CSMD1: variants seen among roughly 807,000 people sequenced by gnomAD.
CSMD1 encodes CUB and sushi domain-containing protein 1.
A neutral mutation model predicts 417.5 loss-of-function variants in CSMD1; 213 were observed. That is an observed-to-expected ratio of 0.51 (90% CI 0.46 to 0.57). The LOEUF (loss-of-function observed/expected upper bound fraction) is 0.57. Among genes scored for constraint, CSMD1 ranks in the 20% least tolerant of loss-of-function variants. The probability of loss-of-function intolerance (pLI) is 0.00; values close to 1 mark genes in which losing one functional copy is unlikely to be tolerated. For missense variants in CSMD1, 6,923 were observed against 4,529.7 expected, an observed-to-expected ratio of 1.53 and a Z score of -15.17; for synonymous variants, 2,862 against 1,736.8, an observed-to-expected ratio of 1.65 and a Z score of -16.11.
intron 4 of CSMD1, among the ~76,000 whole-genome samples, chr8:4,011,162 A>G (rs978193069): frequency 1.2e-4 from 18 of 152,178 alleles, no homozygotes; most frequent in African/African-American, 4.1e-4. Flanking sequence ...TACTTATAAA[A>G]TATCTTTCCT....
At chr8:4,589,161 G>C (rs184726879) in intron 2 of CSMD1, among the ~76,000 whole-genome samples, 131 of 152,150 alleles carry the variant, frequency 8.6e-4, no homozygotes, top group Non-Finnish European at 1.3e-3. Flanking sequence ...AATGAGAAAA[G>C]AAAGAAAAGT....
chr8:4,430,586 A>C (rs1331786245), intron 2 of CSMD1, among the ~76,000 whole-genome samples: 2 of 152,136 alleles, frequency 1.3e-5, no homozygotes, highest in African/African-American at 4.8e-5. Flanking sequence ...ATTTTCCCCA[A>C]ATTGCATTCT....
At chr8:3,090,403 C>T (rs376762275) in intron 48 of CSMD1, among the ~76,000 whole-genome samples, 5 of 150,030 alleles carry the variant, frequency 3.3e-5, no homozygotes, top group African/African-American at 7.4e-5. Context: ...ATCATTGCAT[C>T]GATGTCTTTG....
chr8:4,669,564 C>A (rs1585422849), intron 1 of CSMD1, among the ~76,000 whole-genome samples: 2 of 152,132 alleles, frequency 1.3e-5, no homozygotes, highest in South Asian at 4.1e-4. Context: ...TTTTTTTACC[C>A]ATCTCCAGAG....
At chr8:4,307,942 G>A (rs140203830) in intron 3 of CSMD1, among the ~76,000 whole-genome samples, 4 of 152,110 alleles carry the variant, frequency 2.6e-5, no homozygotes, top group Non-Finnish European at 4.4e-5. Flanking sequence ...AAGGGTCTTC[G>A]GTGTAACAGA....
intron 40 of CSMD1, among the ~76,000 whole-genome samples, chr8:3,148,442 C>G (rs930256625): frequency 1.3e-5 from 2 of 152,038 alleles, no homozygotes; most frequent in Non-Finnish European, 2.9e-5. Flanking sequence ...AGGAATTGAA[C>G]AGGAGAATCT....
At chr8:4,413,547 C>G (rs1796763490) in intron 3 of CSMD1, among the ~76,000 whole-genome samples, 1 of 152,116 alleles carries the variant, frequency 6.6e-6, no homozygotes, top group African/African-American at 2.4e-5. Context: ...ACTGACAGCA[C>G]TAATTCTTTT....
intron 41 of CSMD1, among the ~76,000 whole-genome samples, chr8:3,124,567 A>C (rs1817387661): frequency 6.6e-6 from 1 of 152,196 alleles, no homozygotes; most frequent in South Asian, 2.1e-4. Context: ...GTCTGGGATA[A>C]GGGGAGAGTT....
intron 3 of CSMD1, among the ~76,000 whole-genome samples, chr8:4,094,823 A>G (rs1267781418): frequency 2.0e-5 from 3 of 152,188 alleles, no homozygotes; most frequent in African/African-American, 7.2e-5. Context: ...GCAAACGCTT[A>G]TCAAGGAAAT....
intron 5 of CSMD1, among the ~76,000 whole-genome samples, chr8:3,923,034 G>A (rs1809385511): frequency 6.6e-6 from 1 of 152,140 alleles, no homozygotes; most frequent in Non-Finnish European, 1.5e-5. Flanking sequence ...AAAAACAACA[G>A]ACAATTGCAA....
At chr8:4,831,835 G>A (rs749437551) in intron 1 of CSMD1, among the ~76,000 whole-genome samples, 20 of 150,324 alleles carry the variant, frequency 1.3e-4, no homozygotes, top group Non-Finnish European at 2.4e-4. Context: ...GACACTCAAA[G>A]ACAAAGCACA....
At chr8:3,971,405 T>C (rs897005378) in intron 5 of CSMD1, among the ~76,000 whole-genome samples, 5 of 152,182 alleles carry the variant, frequency 3.3e-5, no homozygotes, top group African/African-American at 1.2e-4. Context: ...TTTTATAAAA[T>C]GTTTTTCAAT....
chr8:4,939,801 T>A lies in CSMD1; in HGVS notation c.85+54531A>T, dbSNP rs370878259. ...AACTGTTAATAGAGTCGATTTTAAG[T>A]GTTCTCATCACAAAAAAGAATTCAC... On this transcript the variant is annotated intron_variant, in intron 1 of 69. Coordinates refer to ENST00000635120, the MANE Select transcript of CSMD1 (RefSeq NM_033225.6). Among the ~76,000 whole-genome samples, 4 of 152,296 alleles carry A rather than the reference T, an allele frequency of 2.6e-5. 1 individual carries two copies. Among genetic ancestry groups the A allele is most frequent in the African/African-American group, 9.6e-5 (4 of 41,572 alleles).
At chr8:3,091,124 A>T (rs1465491686) in intron 48 of CSMD1, among the ~76,000 whole-genome samples, 1 of 152,080 alleles carries the variant, frequency 6.6e-6, no homozygotes, top group Non-Finnish European at 1.5e-5. Context: ...ATACAAAAAC[A>T]TAACTATTAA....
intron 10 of CSMD1, among the ~76,000 whole-genome samples, chr8:3,540,912 C>G (rs1359980682): frequency 1.3e-5 from 2 of 152,200 alleles, no homozygotes; most frequent in Middle Eastern, 3.2e-3. Context: ...GAAACAGAAA[C>G]TCTTTTACAC....
chr8:3,427,927 C>T (rs566500085), intron 12 of CSMD1, among the ~76,000 whole-genome samples: 50 of 152,230 alleles, frequency 3.3e-4, no homozygotes, highest in East Asian at 7.7e-4. Flanking sequence ...GGCTGACAAG[C>T]GCCCTTGCAG....
chr8:4,227,340 T>C (rs1801421136), intron 3 of CSMD1, among the ~76,000 whole-genome samples: 1 of 152,092 alleles, frequency 6.6e-6, no homozygotes, highest in African/African-American at 2.4e-5. Context: ...CCCCTGCCTG[T>C]CCTAATAAGA....
chr8:4,898,348 G>C (rs1292531960), intron 1 of CSMD1, among the ~76,000 whole-genome samples: 3 of 151,822 alleles, frequency 2.0e-5, no homozygotes, highest in African/African-American at 7.3e-5. Context: ...ATAATTATTT[G>C]TTGCAATTTC....
Position 3,355,199 on chromosome 8 carries a change from T to A in CSMD1, c.3304+3953A>T, listed in dbSNP as rs533673607. On this transcript the variant is annotated intron_variant, in intron 21 of 69. Transcript: ENST00000635120. ...ATATATCTCACTTTCATTCATTTTT[T>A]AAAAAAATCTCTTACTAGATACGGA... Among the ~76,000 whole-genome samples the A allele has an allele frequency of 1.9e-4, 29 of 152,150 alleles. 1 individual carries two copies. The highest frequency in any genetic ancestry group is 8.3e-4 in the South Asian group (4 of 4,810).
Sources: gnomAD v4.1 joint callset for allele counts (sites outside exome capture counted in the v4.1 genomes callset) on GRCh38, gnomAD v4.1.1 for gene constraint, MANE v1.5 for transcripts, NCBI Gene and HGNC (gene_info 2026-07-23, HGNC 2026-07-21) for gene names.